DMTN: variants seen among roughly 807,000 people sequenced by gnomAD.
DMTN encodes dematin.
DMTN carries 27 observed loss-of-function variants against 59.4 expected under a neutral mutation model. The observed-to-expected ratio is 0.45, with a 90% confidence interval of 0.33 to 0.63. DMTN has a LOEUF of 0.63. Ranked by LOEUF, DMTN falls within the 20% of genes least tolerant of loss-of-function variation. The probability of loss-of-function intolerance (pLI) is 0.02; values close to 1 mark genes in which losing one functional copy is unlikely to be tolerated. For synonymous variants in DMTN, 221 were observed against 203.7 expected (o/e 1.08, Z -0.72); for missense variants, 451 against 528.9 (o/e 0.85, Z 1.45).
upstream of DMTN, among the ~76,000 whole-genome samples, chr8:22,050,746 G>T (rs1002077674): frequency 9.2e-5 from 14 of 151,428 alleles, no homozygotes; most frequent in African/African-American, 3.2e-4. Context: ...GCCTGCTCCC[G>T]CCCTGGGTCT....
chr8:22,077,568 C>T (rs1159360335), intron 10 of DMTN, among the ~76,000 whole-genome samples: 1 of 152,036 alleles, frequency 6.6e-6, no homozygotes, highest in Non-Finnish European at 1.5e-5. Flanking sequence ...AGAGAGGATG[C>T]GTGAAGGTTG....
chr8:22,079,208 A>C (rs1339032814), intron 10 of DMTN, among the ~76,000 whole-genome samples: 1 of 148,224 alleles, frequency 6.7e-6, no homozygotes, highest in East Asian at 2.0e-4. Context: ...CCAGGAGTTC[A>C]AGACCAGCCT....
At chr8:22,051,355 G>A (rs528070388), upstream of DMTN, among the ~76,000 whole-genome samples, 1 of 152,272 alleles carries the variant, frequency 6.6e-6, no homozygotes, top group African/African-American at 2.4e-5. Flanking sequence ...GGTCATCAGA[G>A]GGGGACATTC....
Position 22,069,002 on chromosome 8 carries a change from C to G in DMTN, c.250-14C>G, listed in dbSNP as rs778480172. On this transcript the variant is annotated splice_polypyrimidine_tract_variant and intron_variant, in intron 4 of 15. Coordinates refer to ENST00000358242, the MANE Select transcript of DMTN (RefSeq NM_001387751.1). ...TGCCCCTGTAGCTCTGACCAGCCCC[C>G]TCTCCATTCACAGCGCTCGCTGTCA... The G allele has an allele frequency of 1.2e-6, 2 of 1,612,720 alleles. No individual in the cohort carries two copies. Among genetic ancestry groups the G allele is most frequent in the Middle Eastern group, 1.7e-4 (1 of 6,060 alleles).
At chr8:22,069,960 A>G (rs1253111700) in intron 7 of DMTN, 23 bp downstream of exon 7, 1 of 1,612,700 alleles carries the variant, frequency 6.2e-7, no homozygotes, top group Non-Finnish European at 8.5e-7. Flanking sequence ...CTGGCTCACC[A>G]GAGCCTGCTT....
chr8:22,081,486 G>T lies in DMTN; in HGVS notation c.*23G>T. 1 of 1,604,796 alleles carries T rather than the reference G, an allele frequency of 6.2e-7. No individual in the cohort carries two copies. Among genetic ancestry groups the T allele is most frequent in the Non-Finnish European group, 8.5e-7 (1 of 1,171,702 alleles). On this transcript the variant is annotated 3_prime_UTR_variant, in exon 16 of 16. Transcript: ENST00000358242. ...TGATGGCCCCCACCTGCTCCGGGAC[G>T]GCCCCCTTACCCCTGCTGCTTCAGG...
chr8:22,053,080 G>T (rs1018885086), upstream of DMTN, among the ~76,000 whole-genome samples: 1 of 152,148 alleles, frequency 6.6e-6, no homozygotes, highest in African/African-American at 2.4e-5. Flanking sequence ...GGAAAATGAC[G>T]AGAGGAAAAA....
upstream of DMTN, chr8:22,053,510 G>A (rs75936484): frequency 0.026 from 3,942 of 152,586 alleles, 170 homozygotes; most frequent in African/African-American, 0.087. Context: ...CCCCCGCCCA[G>A]CAGGTTGGTG....
intron 9 of DMTN, among the ~76,000 whole-genome samples, 181 bp downstream of exon 9, chr8:22,072,631 A>ATTTTTT (rs61068593): frequency 0.018 from 2,319 of 130,708 alleles, 91 homozygotes; most frequent in African/African-American, 0.062. Flanking sequence ...CGCCCAGCTA[A>ATTTTTT]TTTTTTTTTT....
rs1210640964 is a variant in DMTN, at chr8:22,080,399, G to A, written c.901-13G>A. ...ATCCCCGACTGCCTCTGATTCCTTT[G>A]TGTCCTTTCTAGCTACAGTCCACAG... On this transcript the variant is annotated splice_polypyrimidine_tract_variant and intron_variant, in intron 11 of 15. Transcript: ENST00000358242. 6.2e-7 allele frequency: 1 copy of A among 1,614,228 alleles called. No homozygotes were observed. Among genetic ancestry groups the A allele is most frequent in the Non-Finnish European group, 8.5e-7 (1 of 1,180,038 alleles).
intron 10 of DMTN, among the ~76,000 whole-genome samples, chr8:22,075,134 T>A (rs1818687968): frequency 6.9e-6 from 1 of 144,916 alleles, no homozygotes; most frequent in Admixed American, 7.1e-5. Context: ...TTGCAGTGAG[T>A]CGAGATGGAG....
intron 14 of DMTN, 120 bp downstream of exon 14, chr8:22,080,990 G>A (rs976114458): frequency 4.1e-6 from 6 of 1,479,254 alleles, no homozygotes; most frequent in Middle Eastern, 3.6e-4. Context: ...CAGGGAAGTT[G>A]GGGGAGACAG....
rs1369023841 is a variant in DMTN at position 22,058,936 on chromosome 8, G to A, written c.-172+1800G>A. On this transcript the variant is annotated intron_variant, in intron 1 of 15. Transcript: ENST00000358242. The surrounding 1 kb of genome is among the most constrained non-coding windows in gnomAD (Gnocchi z 4.3). ...TTCCAGTGGCGGGGGGGTGCGGGGA[G>A]CAAGGTGCCCTACCCCACCCACATC... Among the ~76,000 whole-genome samples, 3 of 152,146 alleles carry A rather than the reference G, an allele frequency of 2.0e-5. No homozygotes were observed. Among genetic ancestry groups the A allele is most frequent in the Admixed American group, 1.3e-4 (2 of 15,280 alleles).
rs1278029662 is a variant in DMTN, at chr8:22,080,392, T to C, written c.901-20T>C. ...GGTGAATATCCCCGACTGCCTCTGA[T>C]TCCTTTGTGTCCTTTCTAGCTACAG... On this transcript the variant is annotated intron_variant, in intron 11 of 15. Coordinates refer to ENST00000358242, the MANE Select transcript of DMTN (RefSeq NM_001387751.1). 6.2e-7 allele frequency: 1 copy of C among 1,614,226 alleles called. No homozygotes were observed. The highest frequency in any genetic ancestry group is 8.5e-7 in the Non-Finnish European group (1 of 1,180,022).
At chr8:22,071,848 G>A (rs1815786981) in intron 8 of DMTN, among the ~76,000 whole-genome samples, 1 of 152,138 alleles carries the variant, frequency 6.6e-6, no homozygotes, top group Non-Finnish European at 1.5e-5. Context: ...CCAAAGTGCT[G>A]GGATTACAGG....
At chr8:22,076,610 A>G (rs954327719) in intron 10 of DMTN, among the ~76,000 whole-genome samples, 1 of 151,756 alleles carries the variant, frequency 6.6e-6, no homozygotes, top group African/African-American at 2.4e-5. Flanking sequence ...GTGTATATAT[A>G]TATGTCACTA....
chr8:22,055,246 TG>T (rs1469163262), upstream of DMTN, among the ~76,000 whole-genome samples: 1 of 150,372 alleles, frequency 6.7e-6, no homozygotes, highest in Non-Finnish European at 1.5e-5. Flanking sequence ...TCTCCTGGGG[TG>T]GGGCCTGGTG....
chr8:22,069,705 A>T (rs1045792608), intron 6 of DMTN, among the ~76,000 whole-genome samples, 176 bp from the exon 7 acceptor site: 4 of 152,078 alleles, frequency 2.6e-5, no homozygotes, highest in African/African-American at 9.7e-5. Flanking sequence ...CCAGCCGGAA[A>T]AGTGTAAAAT....
Position 22,072,424 on chromosome 8 carries a change from G to C in DMTN, c.703G>C (p.Glu235Gln), listed in dbSNP as rs1203357560. ...DSGEEMKALR[E>Q]RQREELSKVT... Reference sequence around the variant, plus strand: ...TGGAGAGGAGATGAAGGCTCTCAGGGAGCGTCAGAGAGAGGAACTCAGTAA... The same window carrying C: ...TGGAGAGGAGATGAAGGCTCTCAGGCAGCGTCAGAGAGAGGAACTCAGTAA... The change falls in exon 9 of 16, where the codon GAG becomes CAG. Residue 235 changes from glutamate to glutamine, a missense_variant. Transcript: ENST00000358242. The C allele has an allele frequency of 1.3e-6, 2 of 1,577,776 alleles. No individual in the cohort carries two copies. Among genetic ancestry groups the C allele is most frequent in the Non-Finnish European group, 1.7e-6 (2 of 1,160,506 alleles).
Sources: gnomAD v4.1 joint callset for allele counts (sites outside exome capture counted in the v4.1 genomes callset) on GRCh38, gnomAD v4.1.1 for gene constraint, Gnocchi (gnomAD v3.1) non-coding constraint, MANE v1.5 for transcripts, NCBI Gene and HGNC (gene_info 2026-07-23, HGNC 2026-07-21) for gene names.